ADAMTSL3: variants seen among roughly 807,000 people sequenced by gnomAD.
ADAMTSL3 encodes ADAMTS like 3, also known as ADAMTS-like protein 3.
ADAMTSL3 carries 128 observed loss-of-function variants against 201.7 expected under a neutral mutation model. The ratio of observed to expected loss-of-function variants is 0.63; its 90% CI spans 0.55 to 0.73. The LOEUF is 0.73. Among genes scored for constraint, ADAMTSL3 ranks in the 30% least tolerant of loss-of-function variants. The pLI is 0.00. For missense variants in ADAMTSL3, 1,990 were observed against 2,119.6 expected (o/e 0.94, Z 1.20); for synonymous variants, 738 against 748.4 (o/e 0.99, Z 0.23).
chr15:83,711,156 A>T (rs1407189386), intron 3 of ADAMTSL3, among the ~76,000 whole-genome samples: 1 of 152,188 alleles, frequency 6.6e-6, no homozygotes, highest in African/African-American at 2.4e-5. Context: ...CATTCTTTCT[A>T]AAGAGGAGAA....
At chr15:83,859,231 GC>G (rs977321937) in intron 8 of ADAMTSL3, among the ~76,000 whole-genome samples, 2 of 152,212 alleles carry the variant, frequency 1.3e-5, no homozygotes, top group African/African-American at 4.8e-5. Context: ...TGAAGTGGGG[GC>G]TTACAGACCA....
rs2067027167 is a variant in ADAMTSL3, at chr15:83,963,917, CCTGA to C, written c.2491-6564_2491-6561del. On this transcript the variant is annotated intron_variant, in intron 19 of 29. Transcript: ENST00000286744. ...CTCCAGCAGACCTGCAGCAGAGGAG[CCTGA>C]CTATTAGAAGGAAAATTAACAAACA... Among the ~76,000 whole-genome samples, 4 of 152,142 alleles carry C rather than the reference CCTGA, an allele frequency of 2.6e-5. No homozygotes were observed. In the South Asian group the frequency reaches 8.3e-4, roughly 32 times the overall value.
chr15:83,756,359 A>G (rs555097439), intron 3 of ADAMTSL3, among the ~76,000 whole-genome samples: 7 of 152,328 alleles, frequency 4.6e-5, no homozygotes, highest in African/African-American at 1.7e-4. Context: ...AGACAAAGGA[A>G]GAGCAAAGGG....
chr15:83,839,178 G>T (rs1388279402), intron 7 of ADAMTSL3, among the ~76,000 whole-genome samples: 2 of 152,172 alleles, frequency 1.3e-5, no homozygotes, highest in Admixed American at 6.5e-5. Flanking sequence ...TTCCGCCAAA[G>T]ATTTGATTTT....
intron 3 of ADAMTSL3, among the ~76,000 whole-genome samples, chr15:83,712,760 T>C (rs2061950051): frequency 6.6e-6 from 1 of 152,248 alleles, no homozygotes; most frequent in African/African-American, 2.4e-5. Flanking sequence ...TTTGTCATTC[T>C]GCAAGCTTCA....
At chr15:83,785,300 A>G (rs2063243449) in intron 4 of ADAMTSL3, among the ~76,000 whole-genome samples, 1 of 152,206 alleles carries the variant, frequency 6.6e-6, no homozygotes, top group Admixed American at 6.5e-5. Flanking sequence ...AAAAAGTTGT[A>G]GGTCTTATAC....
intron 3 of ADAMTSL3, chr15:83,740,277 A>G (rs574250922): frequency 6.5e-6 from 1 of 153,174 alleles, no homozygotes; most frequent in Non-Finnish European, 1.5e-5. Context: ...CAAAAAACTC[A>G]GTAAATCTCA....
At chr15:83,738,845 G>A (rs1329270937) in intron 3 of ADAMTSL3, among the ~76,000 whole-genome samples, 1 of 151,878 alleles carries the variant, frequency 6.6e-6, no homozygotes, top group Non-Finnish European at 1.5e-5. Context: ...GCATTGAGCC[G>A]AGATTCTGCC....
At chr15:83,818,348 A>G (rs561652021) in intron 5 of ADAMTSL3, among the ~76,000 whole-genome samples, 2 of 152,298 alleles carry the variant, frequency 1.3e-5, no homozygotes, top group East Asian at 1.9e-4. Context: ...TTTTTTGGCA[A>G]CAGAGTCTCG....
At chr15:83,912,750 T>G (rs550684476) in intron 15 of ADAMTSL3, among the ~76,000 whole-genome samples, 1 of 152,338 alleles carries the variant, frequency 6.6e-6, no homozygotes, top group East Asian at 1.9e-4. Flanking sequence ...TATTATAAAA[T>G]AAATTAGATT....
intron 19 of ADAMTSL3, among the ~76,000 whole-genome samples, chr15:83,947,232 C>T (rs1006446982): frequency 1.3e-5 from 2 of 152,236 alleles, no homozygotes; most frequent in South Asian, 2.1e-4. Flanking sequence ...GGTCCTTCCA[C>T]GTTGAAACTG....
chr15:83,819,959 A>G lies in ADAMTSL3; in HGVS notation c.512A>G (p.Asn171Ser). Residue 171 changes from asparagine to serine, a missense_variant, in exon 6 of 30, where the codon AAC becomes AGC. By Grantham distance (46) the Asn-to-Ser change is conservative. Transcript: ENST00000286744. ...CALKCHAQGQ[N>S]LVVELAPKVL... Reference sequence around the variant, plus strand: ...CTCAAGTGTCATGCACAAGGACAAAACTTGGTGGTGGAGCTGGCACCTAAG... The same window carrying G: ...CTCAAGTGTCATGCACAAGGACAAAGCTTGGTGGTGGAGCTGGCACCTAAG... 1 of 1,614,120 alleles carries G rather than the reference A, an allele frequency of 6.2e-7. No homozygotes were observed. Among genetic ancestry groups the G allele is most frequent in the Non-Finnish European group, 8.5e-7 (1 of 1,180,028 alleles).
intron 4 of ADAMTSL3, among the ~76,000 whole-genome samples, chr15:83,788,531 A>G (rs1157979465): frequency 1.3e-5 from 2 of 152,190 alleles, no homozygotes; most frequent in Non-Finnish European, 2.9e-5. Flanking sequence ...AGAAATTTGA[A>G]GGCTTTGCTC....
chr15:83,688,370 A>G (rs562423190), intron 2 of ADAMTSL3, among the ~76,000 whole-genome samples: 1 of 152,366 alleles, frequency 6.6e-6, no homozygotes, highest in East Asian at 1.9e-4. Context: ...ATGAAAAGAA[A>G]GCCGTTAATA....
intron 3 of ADAMTSL3, among the ~76,000 whole-genome samples, chr15:83,713,165 G>A (rs1054894873): frequency 7.2e-5 from 11 of 152,114 alleles, no homozygotes; most frequent in Admixed American, 5.2e-4. Context: ...ACAACTTGGT[G>A]TCTTTCTCTG....
chr15:83,975,192 C>T (rs765618695), intron 20 of ADAMTSL3, among the ~76,000 whole-genome samples: 28 of 151,696 alleles, frequency 1.8e-4, no homozygotes, highest in African/African-American at 3.6e-4. Flanking sequence ...TTAGTAGAGA[C>T]GGGGTTTCAC....
intron 3 of ADAMTSL3, among the ~76,000 whole-genome samples, chr15:83,733,641 C>T (rs1268979669): frequency 2.0e-5 from 3 of 152,044 alleles, no homozygotes; most frequent in Admixed American, 6.6e-5. Flanking sequence ...TTCAAATGAT[C>T]GCACCGTACT....
intron 19 of ADAMTSL3, among the ~76,000 whole-genome samples, chr15:83,959,096 A>G (rs73443147): frequency 0.065 from 9,958 of 152,274 alleles, 1,073 homozygotes; most frequent in African/African-American, 0.23. Flanking sequence ...AGGGCACTCT[A>G]TATACCTGGG....
At chr15:83,845,472 C>A (rs2064478230) in intron 7 of ADAMTSL3, among the ~76,000 whole-genome samples, 1 of 152,200 alleles carries the variant, frequency 6.6e-6, no homozygotes, top group African/African-American at 2.4e-5. Flanking sequence ...AAGCCAAAGA[C>A]TGGGGTAATA....
Sources: gnomAD v4.1 joint callset for allele counts (sites outside exome capture counted in the v4.1 genomes callset) on GRCh38, gnomAD v4.1.1 for gene constraint, MANE v1.5 for transcripts, NCBI Gene and HGNC (gene_info 2026-07-23, HGNC 2026-07-21) for gene names.